The following TM9SF2 variants were observed in gnomAD, a reference collection of about 807,000 sequenced individuals.
The protein encoded by TM9SF2 is transmembrane 9 superfamily member 2.
Under a neutral mutation model 84.9 loss-of-function variants are expected in TM9SF2, and 13 were observed. The observed-to-expected ratio is 0.15, with a 90% CI of 0.10 to 0.24. The LOEUF (loss-of-function observed/expected upper bound fraction) is 0.24. TM9SF2 is among the 10% of genes least tolerant of loss of function. TM9SF2 has a pLI of 1.00. For missense variants in TM9SF2, 562 were observed against 818.5 expected (o/e 0.69, Z 3.82); for synonymous variants, 273 against 285.8 (o/e 0.96, Z 0.45).
At chr13:99,533,628 T>A (rs914112553) in intron 4 of TM9SF2, among the ~76,000 whole-genome samples, 1 of 152,210 alleles carries the variant, frequency 6.6e-6, no homozygotes, top group Admixed American at 6.5e-5. Flanking sequence ...TAATAGTTTC[T>A]TATATAAATT....
At position 99,552,428 on chromosome 13, in the gene TM9SF2, G is replaced by C. The variant is rs144636733; in HGVS notation, c.1488+102G>C. The C allele has an allele frequency of 5.4e-4, 623 of 1,162,178 alleles. 4 individuals are homozygous for C. In the African/African-American group the frequency reaches 9.1e-3, roughly 17 times the overall value. The allele number at this position is 1,162,178 out of a possible 1,614,324, so 72.0% of individuals were successfully genotyped here. ...TAAAAGTGTGTAAAGATGTAAACTTGTCCTTTAGGATCTGGATTTCATAGA... is the reference window on the plus strand; with the variant it reads ...TAAAAGTGTGTAAAGATGTAAACTTCTCCTTTAGGATCTGGATTTCATAGA... On this transcript the variant is annotated intron_variant, in intron 13 of 16. Transcript: ENST00000376387.
chr13:99,559,251 A>G, intron 15 of TM9SF2, 112 bp from the exon 16 acceptor site: 1 of 904,538 alleles, frequency 1.1e-6, no homozygotes, highest in Non-Finnish European at 1.6e-6. Context: ...AACTGATAGC[A>G]GAAATTAGAT....
At chr13:99,542,697 T>C (rs2046266094) in intron 9 of TM9SF2, among the ~76,000 whole-genome samples, 2 of 152,162 alleles carry the variant, frequency 1.3e-5, no homozygotes, top group Admixed American at 6.5e-5. Context: ...TTTCCTATGA[T>C]TTTTATTGAT....
chr13:99,559,176 G>C (rs1351280470), intron 15 of TM9SF2, among the ~76,000 whole-genome samples, 187 bp from the exon 16 acceptor site: 1 of 152,208 alleles, frequency 6.6e-6, no homozygotes, highest in Non-Finnish European at 1.5e-5. Flanking sequence ...AAGACAGTGG[G>C]TGCTTCTTAG....
chr13:99,536,846 G>T, intron 5 of TM9SF2, 109 bp downstream of exon 5: 2 of 1,250,788 alleles, frequency 1.6e-6, no homozygotes, highest in East Asian at 5.0e-5. Context: ...GTACAGTTCA[G>T]ATGTTCTGAA....
chr13:99,550,819 CTT>C (rs1247978932), intron 12 of TM9SF2, among the ~76,000 whole-genome samples: 2 of 152,116 alleles, frequency 1.3e-5, no homozygotes, highest in Non-Finnish European at 2.9e-5. Context: ...TAAAAAGAAT[CTT>C]ATCTCTAATT....
intron 10 of TM9SF2, among the ~76,000 whole-genome samples, 166 bp downstream of exon 10, chr13:99,544,161 C>T (rs980273804): frequency 6.6e-6 from 1 of 151,876 alleles, no homozygotes; most frequent in African/African-American, 2.4e-5. Context: ...ACCAGACTGG[C>T]CAATATAGTG....
chr13:99,516,496 G>A (rs1415342549), intron 1 of TM9SF2, among the ~76,000 whole-genome samples: 1 of 152,176 alleles, frequency 6.6e-6, no homozygotes, highest in Non-Finnish European at 1.5e-5. Flanking sequence ...GTGACTTGCT[G>A]GCTTCTTCAG....
At position 99,543,995 on chromosome 13, in the gene TM9SF2, T is replaced by C. The variant is rs1328089151; in HGVS notation, c.1150T>C (p.Phe384Leu). 3.7e-6 allele frequency: 6 copies of C among 1,611,664 alleles called. No individual in the cohort carries two copies. Among genetic ancestry groups the C allele is most frequent in the Non-Finnish European group, 5.1e-6 (6 of 1,179,350 alleles). Residue 384 changes from phenylalanine (F) to leucine (L), a missense_variant and splice_region_variant, in exon 10 of 17, where the codon TTT (phenylalanine) becomes CTT (leucine). Phe to Leu is a conservative substitution (Grantham distance 22). Around this residue, in one of 4 missense-constraint regions of TM9SF2, gnomAD observed 219 missense variants for 338.1 expected, o/e 0.65. Coordinates refer to ENST00000376387, the MANE Select transcript of TM9SF2 (RefSeq NM_004800.3). ...TTTAATTATGACCTTTGTGACTCTATGTAAGTGTTAACTGAAAATTTTCAA... is the reference window on the plus strand; with the variant it reads ...TTTAATTATGACCTTTGTGACTCTACGTAAGTGTTAACTGAAAATTTTCAA... ...QILIMTFVTL[F>L]FACLGFLSPA...
intron 4 of TM9SF2, among the ~76,000 whole-genome samples, chr13:99,533,578 C>T (rs983892331): frequency 1.3e-5 from 2 of 152,140 alleles, no homozygotes; most frequent in South Asian, 2.1e-4. Flanking sequence ...ACATTGGAAC[C>T]GTGCTGTAGT....
At chr13:99,521,089 C>G (rs1265099702) in intron 3 of TM9SF2, among the ~76,000 whole-genome samples, 4 of 152,036 alleles carry the variant, frequency 2.6e-5, no homozygotes, top group Admixed American at 2.6e-4. Flanking sequence ...GTACAAAGAA[C>G]AATGGTCTTT....
chr13:99,542,009 G>A (rs2046262110), intron 9 of TM9SF2, among the ~76,000 whole-genome samples: 2 of 152,150 alleles, frequency 1.3e-5, no homozygotes, highest in African/African-American at 2.4e-5. Context: ...AATTAGCTGG[G>A]TGTGGTGGTG....
In TM9SF2 at chr13:99,505,659, A is replaced by T. The variant is rs1205622741; in HGVS notation, c.171+3882A>T. ...CTGAAATAAGTAGAATAAAGCCCTG[A>T]TTATAAGTGACTAGATATTCCAGGA... On this transcript the variant is annotated intron_variant, in intron 1 of 16. Coordinates refer to ENST00000376387, the MANE Select transcript of TM9SF2 (RefSeq NM_004800.3). Among the ~76,000 whole-genome samples, 4 of 152,350 alleles carry T rather than the reference A, an allele frequency of 2.6e-5. No homozygotes were observed. In the East Asian group the frequency reaches 7.7e-4, roughly 29 times the overall value.
At chr13:99,501,916 G>C (rs934475124) in intron 1 of TM9SF2, 139 bp downstream of exon 1, 2 of 1,232,922 alleles carry the variant, frequency 1.6e-6, no homozygotes, top group East Asian at 2.8e-5. Context: ...AAGCTTTTGG[G>C]GTCTGCTGGG....
intron 1 of TM9SF2, among the ~76,000 whole-genome samples, chr13:99,508,640 A>G (rs1481450922): frequency 1.3e-5 from 2 of 152,150 alleles, no homozygotes; most frequent in Non-Finnish European, 2.9e-5. Context: ...CTCGACTTCT[A>G]GTGGGAACCT....
intron 1 of TM9SF2, among the ~76,000 whole-genome samples, chr13:99,511,129 G>A (rs550129634): frequency 6.6e-6 from 1 of 151,846 alleles, no homozygotes; most frequent in African/African-American, 2.4e-5. Context: ...TGAGACTAAG[G>A]TCTACTCTCA....
chr13:99,508,893 G>T (rs890334759), intron 1 of TM9SF2, among the ~76,000 whole-genome samples: 1 of 152,104 alleles, frequency 6.6e-6, no homozygotes, highest in Admixed American at 6.5e-5. Context: ...AGGGATTACA[G>T]CTTGACATAA....
intron 4 of TM9SF2, among the ~76,000 whole-genome samples, chr13:99,534,754 C>G (rs1248150633): frequency 6.6e-6 from 1 of 152,146 alleles, no homozygotes. Context: ...AGTCTTCTTC[C>G]CATTATTCAG....
chr13:99,519,589 G>A (rs921014720), intron 2 of TM9SF2: 1 of 157,140 alleles, frequency 6.4e-6, no homozygotes, highest in African/African-American at 2.4e-5. Flanking sequence ...TTCACATATT[G>A]GGATGTGTTG....
Sources: gnomAD v4.1 joint callset for allele counts (sites outside exome capture counted in the v4.1 genomes callset) on GRCh38, gnomAD v4.1.1 for gene constraint, gnomAD v4.1.1 regional missense constraint, MANE v1.5 for transcripts, NCBI Gene and HGNC (gene_info 2026-07-23, HGNC 2026-07-21) for gene names.